Variants in PKD1L1 observed in about 807,000 individuals in gnomAD.
PKD1L1 encodes the protein polycystin-1-like protein 1.
A neutral mutation model predicts 323.4 loss-of-function variants in PKD1L1; 236 were observed. The ratio of observed to expected loss-of-function variants is 0.73; its 90% CI spans 0.66 to 0.81. The LOEUF (loss-of-function observed/expected upper bound fraction) is 0.81, where lower values mean the gene tolerates loss of function less well. Ranked by LOEUF, PKD1L1 falls within the 40% of genes least tolerant of loss-of-function variation. The pLI, the probability that PKD1L1 is intolerant of heterozygous loss-of-function variation, is 0.00. For missense variants in PKD1L1, 3,320 were observed against 3,508.0 expected (o/e 0.95, Z 1.35); for synonymous variants, 1,344 against 1,335.0 (o/e 1.01, Z -0.15).
At chr7:47,797,182 C>T (rs964851235) in intron 54 of PKD1L1, among the ~76,000 whole-genome samples, 13 of 152,306 alleles carry the variant, frequency 8.5e-5, no homozygotes, top group South Asian at 2.1e-4. Context: ...TAAGCAGCAT[C>T]GTCTAAGGGG....
intron 31 of PKD1L1, among the ~76,000 whole-genome samples, chr7:47,850,632 C>CAAAA (rs58437908): frequency 0.012 from 891 of 75,360 alleles, 23 homozygotes; most frequent in African/African-American, 0.015. Context: ...GACTCTGTCT[C>CAAAA]AAAAAAAAAA....
chr7:47,893,042 C>T (rs545288323), intron 15 of PKD1L1, among the ~76,000 whole-genome samples: 128 of 152,100 alleles, frequency 8.4e-4, no homozygotes, highest in African/African-American at 2.9e-3. Context: ...ACTAGCCTGG[C>T]CAACATGGTG....
At chr7:47,959,381 G>A in the PKD1L1 span, among the ~76,000 whole-genome samples, 6 of 149,092 alleles carry the variant, frequency 4.0e-5, no homozygotes, top group South Asian at 2.2e-4. Context: ...AGTGAGGAGC[G>A]CCTCTTCCCG....
At chr7:47,815,514 G>T in intron 46 of PKD1L1, 57 bp from the exon 47 acceptor site, 1 of 1,569,218 alleles carries the variant, frequency 6.4e-7, no homozygotes, top group Non-Finnish European at 8.7e-7. Flanking sequence ...ACAATGAAAC[G>T]TGAGAACAAA....
At chr7:47,951,366 C>G (rs1480637860), upstream of PKD1L1, among the ~76,000 whole-genome samples, 1 of 152,174 alleles carries the variant, frequency 6.6e-6, no homozygotes, top group African/African-American at 2.4e-5. Flanking sequence ...CAAAAGCCAC[C>G]TCCTTAGAAT....
At position 47,898,245 on chromosome 7, in the gene PKD1L1, T is replaced by G. The variant is rs189670819; in HGVS notation, c.2065-51A>C. 9.7e-4 allele frequency: 1,410 copies of G among 1,456,056 alleles called. 3 individuals are homozygous for G. The highest frequency in any genetic ancestry group is 3.2e-3 in the Admixed American group (181 of 55,864). 90.2% of individuals were successfully genotyped at this position (1,456,056 alleles called of 1,614,324 possible). A position where few individuals can be genotyped will look rare whatever the true frequency, so the allele number is the denominator to read the frequency against. On this transcript the variant is annotated intron_variant, in intron 13 of 56. Coordinates refer to ENST00000289672, the MANE Select transcript of PKD1L1 (RefSeq NM_138295.5). ...TCATTAAAATGTCCATCACATCTAATGTACTGGTAAATTACTAGAAACTTA... is the reference window on the plus strand; with the variant it reads ...TCATTAAAATGTCCATCACATCTAAGGTACTGGTAAATTACTAGAAACTTA...
intron 14 of PKD1L1, among the ~76,000 whole-genome samples, chr7:47,895,522 G>A (rs1305682016): frequency 6.6e-6 from 1 of 151,946 alleles, no homozygotes; most frequent in Non-Finnish European, 1.5e-5. Flanking sequence ...AGGGGTAAGA[G>A]GAATTTCAGT....
At chr7:47,952,066 T>C (rs1449029709), upstream of PKD1L1, among the ~76,000 whole-genome samples, 1 of 152,196 alleles carries the variant, frequency 6.6e-6, no homozygotes, top group Non-Finnish European at 1.5e-5. Context: ...CCTCTACTCA[T>C]TTACCTTTAG....
chr7:47,782,206 A>G (rs1428436802), intron 56 of PKD1L1, among the ~76,000 whole-genome samples: 3 of 152,216 alleles, frequency 2.0e-5, no homozygotes, highest in Admixed American at 6.5e-5. Flanking sequence ...GATTTTGAAA[A>G]AAGATGCTCA....
At chr7:47,813,645 T>C (rs1252934284) in intron 48 of PKD1L1, 1 of 667,444 alleles carries the variant, frequency 1.5e-6, no homozygotes, top group African/African-American at 1.8e-5. Context: ...GATTGTTTGA[T>C]TAAAAATCCT....
chr7:47,954,729 T>G, the PKD1L1 span, among the ~76,000 whole-genome samples: 1 of 152,190 alleles, frequency 6.6e-6, no homozygotes, highest in Non-Finnish European at 1.5e-5. Flanking sequence ...CAATGAGTAA[T>G]GCTATTTTCT....
chr7:47,788,034 A>C (rs1035535967), intron 56 of PKD1L1, among the ~76,000 whole-genome samples: 1 of 152,118 alleles, frequency 6.6e-6, no homozygotes, highest in Non-Finnish European at 1.5e-5. Flanking sequence ...TTGAACTGAC[A>C]ATCTTTTTGT....
intron 7 of PKD1L1, among the ~76,000 whole-genome samples, chr7:47,921,560 T>A (rs914281990): frequency 5.3e-5 from 8 of 152,188 alleles, no homozygotes; most frequent in African/African-American, 1.9e-4. Context: ...TAAGTCATTA[T>A]ACGAAAAAGA....
At chr7:47,815,582 A>T (rs1048754662) in intron 46 of PKD1L1, 125 bp from the exon 47 acceptor site, 1 of 1,119,240 alleles carries the variant, frequency 8.9e-7, no homozygotes, top group Non-Finnish European at 1.3e-6. Flanking sequence ...TGCAGGAATT[A>T]AACTCAAGCT....
intron 12 of PKD1L1, among the ~76,000 whole-genome samples, chr7:47,902,855 C>T (rs566725659): frequency 6.6e-5 from 10 of 152,282 alleles, no homozygotes; most frequent in African/African-American, 2.4e-4. Flanking sequence ...CTTTTGATAA[C>T]AGAACAGATC....
At chr7:47,891,652 G>A (rs532074873) in intron 15 of PKD1L1, among the ~76,000 whole-genome samples, 8 of 152,342 alleles carry the variant, frequency 5.3e-5, no homozygotes, top group Non-Finnish European at 5.9e-5. Flanking sequence ...TGCTCAGCAG[G>A]AGCACTGCCT....
chr7:47,866,459 G>C lies in PKD1L1; in HGVS notation c.4052C>G (p.Ala1351Gly), dbSNP rs548784380. 1.7e-5 allele frequency: 27 copies of C among 1,613,666 alleles called. No homozygotes were observed. In the East Asian group the frequency reaches 5.8e-4, roughly 35 times the overall value. Residue 1351 changes from alanine (A) to glycine (G), a missense_variant, in exon 25 of 57, where the codon GCA (alanine) becomes GGA (glycine). Physicochemically the swap from Ala to Gly is moderately conservative, Grantham distance 60 (BLOSUM62 0). Transcript: ENST00000289672. The part of the protein sequence containing the change: ...SCNQWSRIQD[A>G]LISSVCRLAF... ...CAATCTGCATACTGAAGAAATTAAT[G>C]CATCCTGTATTCGTGACCATTGGTT...
At chr7:47,926,293 T>C (rs1787655626) in intron 7 of PKD1L1, among the ~76,000 whole-genome samples, 1 of 151,948 alleles carries the variant, frequency 6.6e-6, no homozygotes, top group Non-Finnish European at 1.5e-5. Context: ...CTTTAGGTAA[T>C]AACTTAACTC....
chr7:47,920,145 G>A (rs1027298142), intron 7 of PKD1L1, among the ~76,000 whole-genome samples: 1 of 152,086 alleles, frequency 6.6e-6, no homozygotes, highest in Non-Finnish European at 1.5e-5. Context: ...TCCTAGAATT[G>A]ATAAAAGAAT....
Sources: gnomAD v4.1 joint callset for allele counts (sites outside exome capture counted in the v4.1 genomes callset) on GRCh38, gnomAD v4.1.1 for gene constraint, MANE v1.5 for transcripts, NCBI Gene and HGNC (gene_info 2026-07-23, HGNC 2026-07-21) for gene names.